RNF130: variants seen among roughly 807,000 people sequenced by gnomAD.
RNF130 encodes ring finger protein 130, also known as E3 ubiquitin-protein ligase RNF130.
Under a neutral mutation model 44.6 loss-of-function variants are expected in RNF130, and 21 were observed. The observed-to-expected ratio is 0.47, with a 90% CI of 0.33 to 0.68. The LOEUF (loss-of-function observed/expected upper bound fraction) is 0.68. Among genes scored for constraint, RNF130 ranks in the 30% least tolerant of loss-of-function variants. The probability of loss-of-function intolerance (pLI) is 0.02; values close to 1 mark genes in which losing one functional copy is unlikely to be tolerated. For missense variants in RNF130, 479 were observed against 560.6 expected (o/e 0.85, Z 1.47); for synonymous variants, 214 against 210.4 (o/e 1.02, Z -0.15).
intron 3 of RNF130, among the ~76,000 whole-genome samples, chr5:180,007,298 G>A (rs187198690): frequency 6.6e-6 from 1 of 152,302 alleles, no homozygotes; most frequent in African/African-American, 2.4e-5. Flanking sequence ...CTACGTGTGA[G>A]GCTGAGGCAG....
At chr5:179,911,686 T>C (rs1432509463) in exon 8 of RNF130, 2 of 152,266 alleles carry the variant, frequency 1.3e-5, no homozygotes, top group Non-Finnish European at 1.5e-5. Flanking sequence ...GAAATGGTTA[T>C]ATTAGCAAAT....
intron 1 of RNF130, among the ~76,000 whole-genome samples, chr5:180,065,419 C>A (rs939631216): frequency 6.6e-6 from 1 of 152,054 alleles, no homozygotes; most frequent in Non-Finnish European, 1.5e-5. Flanking sequence ...GTGGATATAT[C>A]ATAATTTATT....
At chr5:179,981,000 G>T (rs967607668) in intron 3 of RNF130, among the ~76,000 whole-genome samples, 1 of 152,150 alleles carries the variant, frequency 6.6e-6, no homozygotes, top group African/African-American at 2.4e-5. Context: ...GAGGGGTGGG[G>T]CGAGGCAGGG....
chr5:180,069,464 G>T (rs929761983), intron 1 of RNF130, among the ~76,000 whole-genome samples: 1 of 149,762 alleles, frequency 6.7e-6, no homozygotes, highest in African/African-American at 2.4e-5. Flanking sequence ...GACACAGAAT[G>T]ACCCCTAGGG....
At chr5:180,058,131 C>T (rs544447881) in intron 1 of RNF130, among the ~76,000 whole-genome samples, 4 of 152,198 alleles carry the variant, frequency 2.6e-5, no homozygotes, top group African/African-American at 7.2e-5. Context: ...AAAGCGAGGA[C>T]AGAAGTTACT....
intron 2 of RNF130, among the ~76,000 whole-genome samples, chr5:180,031,127 A>G (rs545772824): frequency 6.6e-6 from 1 of 152,376 alleles, no homozygotes; most frequent in African/African-American, 2.4e-5. Context: ...TATAACATAT[A>G]TAACAAAGTA....
chr5:179,967,169 C>A (rs1409372844), intron 6 of RNF130, among the ~76,000 whole-genome samples, 159 bp from the exon 7 acceptor site: 1 of 152,186 alleles, frequency 6.6e-6, no homozygotes, highest in Non-Finnish European at 1.5e-5. Context: ...CCTACTCCTT[C>A]TTCTCTCACC....
intron 3 of RNF130, among the ~76,000 whole-genome samples, chr5:179,993,576 A>AT (rs928910523): frequency 1.3e-5 from 2 of 151,202 alleles, no homozygotes; most frequent in African/African-American, 4.8e-5. Context: ...GGGTTGTTTG[A>AT]TTTTTTTCTT....
At chr5:179,945,506 C>T (rs138818667) in intron 7 of RNF130, among the ~76,000 whole-genome samples, 24 of 152,276 alleles carry the variant, frequency 1.6e-4, no homozygotes, top group Admixed American at 5.2e-4. Flanking sequence ...CACCATGTTT[C>T]CAATCCTCAC....
chr5:179,953,816 A>G (rs756640230), downstream of RNF130, among the ~76,000 whole-genome samples: 40 of 152,226 alleles, frequency 2.6e-4, no homozygotes, highest in Non-Finnish European at 5.1e-4. Context: ...AAGAAAGTGA[A>G]TAAATAGTTT....
chr5:180,029,471 G>C (rs973308216), intron 2 of RNF130, among the ~76,000 whole-genome samples: 1 of 152,140 alleles, frequency 6.6e-6, no homozygotes, highest in African/African-American at 2.4e-5. Flanking sequence ...AAAGAAAAAG[G>C]ATAAAAGCTC....
intron 2 of RNF130, among the ~76,000 whole-genome samples, chr5:180,022,987 A>G (rs1381142606): frequency 4.6e-5 from 7 of 152,232 alleles, no homozygotes; most frequent in African/African-American, 7.2e-5. Flanking sequence ...CAGAACTCTA[A>G]AAGACCTTCA....
rs1762191017 is a variant in RNF130 at position 179,955,397 on chromosome 5, A to G, written c.*257T>C. ...CAGGAGCACATTCTGTCTCTGAAAC[A>G]CAAACAAATGCAATCTGGGTCTGCG... is the stretch of plus-strand genomic sequence containing the variant. On this transcript the variant is annotated 3_prime_UTR_variant, in exon 9 of 9. Transcript: ENST00000521389. 2.5e-6 allele frequency: 1 copy of G among 403,398 alleles called. No homozygotes were observed. Among genetic ancestry groups the G allele is most frequent in the Non-Finnish European group, 4.5e-6 (1 of 222,802 alleles). The allele number at this position is 403,398 out of a possible 1,614,324, so 25.0% of individuals were successfully genotyped here.
intron 6 of RNF130, among the ~76,000 whole-genome samples, chr5:179,968,096 C>T (rs1034083720): frequency 1.6e-4 from 24 of 150,442 alleles, no homozygotes; most frequent in African/African-American, 2.2e-4. Flanking sequence ...GAGATCGAGA[C>T]CATCCTGGCT....
chr5:179,951,380 T>G (rs955273090), downstream of RNF130, among the ~76,000 whole-genome samples: 15 of 126,850 alleles, frequency 1.2e-4, no homozygotes, highest in African/African-American at 3.7e-4. Context: ...AAGAGCAGAA[T>G]AGGTTTTTGT....
intron 7 of RNF130, among the ~76,000 whole-genome samples, chr5:179,940,723 T>C (rs1350031554): frequency 6.6e-6 from 1 of 152,118 alleles, no homozygotes; most frequent in Non-Finnish European, 1.5e-5. Flanking sequence ...TCCCAGTCCT[T>C]CTTTAATCTG....
At chr5:179,961,913 G>A (rs1229982689) in intron 8 of RNF130, among the ~76,000 whole-genome samples, 2 of 152,308 alleles carry the variant, frequency 1.3e-5, no homozygotes, top group East Asian at 1.9e-4. Flanking sequence ...CATTTATTGA[G>A]CACTTCTTAT....
At chr5:180,009,389 T>G (rs1277795023) in intron 3 of RNF130, among the ~76,000 whole-genome samples, 1 of 152,134 alleles carries the variant, frequency 6.6e-6, no homozygotes, top group Non-Finnish European at 1.5e-5. Context: ...TAAAAAGCTC[T>G]CAAAATTCAA....
In RNF130 at chr5:180,057,337, TC is replaced by T. The variant is rs1198120308; in HGVS notation, c.247+14118del. On this transcript the variant is annotated intron_variant, in intron 1 of 8. Transcript: ENST00000521389. ...GCCGAGGCGGGAGGATCACCCGAGGTCAGGAGTTTGAGACCAGCCTGGCCAA... is the reference window on the plus strand; with the variant it reads ...GCCGAGGCGGGAGGATCACCCGAGGTAGGAGTTTGAGACCAGCCTGGCCAA... Among the ~76,000 whole-genome samples, 6 of 152,248 alleles carry T rather than the reference TC, an allele frequency of 3.9e-5. No homozygotes were observed. In the East Asian group the frequency reaches 1.2e-3, roughly 29 times the overall value.
Sources: allele counts gnomAD v4.1 joint callset (sites outside exome capture counted in the v4.1 genomes callset), GRCh38; gene constraint gnomAD v4.1.1; transcripts MANE v1.5; gene names NCBI Gene and HGNC (gene_info 2026-07-23, HGNC 2026-07-21).